Variants in CCDC201 observed in about 807,000 individuals in gnomAD.
The protein encoded by CCDC201 is coiled-coil domain-containing protein 201.
At chr7:45,871,611 AAAAGG>A (rs1395272482) in intron 1 of CCDC201, among the ~76,000 whole-genome samples, 39 of 152,192 alleles carry the variant, frequency 2.6e-4, no homozygotes, top group Admixed American at 2.6e-3. Flanking sequence ...TTCTACAATA[AAAAGG>A]AAAGAAAAAA....
chr7:45,878,690 C>A, the CCDC201 span, among the ~76,000 whole-genome samples: 205 of 152,374 alleles, frequency 1.3e-3, 1 homozygote, highest in Middle Eastern at 0.014. Context: ...ATTTGCCCCT[C>A]CTGGGCCTCT....
chr7:45,874,289 C>A (rs868588420), upstream of CCDC201, among the ~76,000 whole-genome samples: 4 of 152,328 alleles, frequency 2.6e-5, no homozygotes, highest in Middle Eastern at 6.8e-3. Context: ...TGGTATTTAG[C>A]AGAACCAAGA....
At chr7:45,877,766 C>T (rs60011460), upstream of CCDC201, among the ~76,000 whole-genome samples, 11,552 of 152,188 alleles carry the variant, frequency 0.076, 736 homozygotes, top group African/African-American at 0.17. Flanking sequence ...AGAGCCAAAC[C>T]GTGTCATTCT....
At chr7:45,867,577 T>C (rs1415935618) in intron 1 of CCDC201, among the ~76,000 whole-genome samples, 1 of 152,244 alleles carries the variant, frequency 6.6e-6, no homozygotes, top group African/African-American at 2.4e-5. Flanking sequence ...AGCAAGTGCA[T>C]GTCCATTGCC....
exon 3 of CCDC201, chr7:45,861,841 C>T (rs773340244): frequency 2.0e-5 from 3 of 152,272 alleles, no homozygotes; most frequent in Non-Finnish European, 4.4e-5. Flanking sequence ...GAAATGTGTG[C>T]ATTCTTTTTA....
At chr7:45,882,048 C>T in the CCDC201 span, among the ~76,000 whole-genome samples, 2 of 152,164 alleles carry the variant, frequency 1.3e-5, no homozygotes, top group South Asian at 2.1e-4. Flanking sequence ...ATAAGCAAAA[C>T]ATCACTTTGT....
At chr7:45,881,596 G>A in the CCDC201 span, among the ~76,000 whole-genome samples, 1 of 152,194 alleles carries the variant, frequency 6.6e-6, no homozygotes, top group African/African-American at 2.4e-5. Context: ...CCAGAGGTGA[G>A]AAATTAGGAG....
the CCDC201 span, among the ~76,000 whole-genome samples, chr7:45,879,367 A>G: frequency 6.6e-6 from 1 of 152,140 alleles, no homozygotes; most frequent in Non-Finnish European, 1.5e-5. Flanking sequence ...CCTGGCACCA[A>G]TTTTCTGCAT....
chr7:45,868,167 G>A (rs1391645226), intron 1 of CCDC201, among the ~76,000 whole-genome samples: 1 of 152,144 alleles, frequency 6.6e-6, no homozygotes, highest in Non-Finnish European at 1.5e-5. Context: ...GACTGGGGAT[G>A]GAGGTTCTAT....
At chr7:45,867,597 C>G (rs1331224667) in intron 1 of CCDC201, among the ~76,000 whole-genome samples, 1 of 152,166 alleles carries the variant, frequency 6.6e-6, no homozygotes. Flanking sequence ...CTGGACAGAG[C>G]CAGCAATCAC....
chr7:45,860,506 C>T (rs1364730277), exon 3 of CCDC201: 1 of 152,190 alleles, frequency 6.6e-6, no homozygotes, highest in Non-Finnish European at 1.5e-5. Flanking sequence ...CTGCAAGTTA[C>T]ATTATGCTTA....
At chr7:45,866,199 G>T in exon 2 of CCDC201, 1 of 174,374 alleles carries the variant, frequency 5.7e-6, no homozygotes, top group Non-Finnish European at 1.2e-5. Flanking sequence ...TGATGTGGGC[G>T]GCTCCTCCCC....
At chr7:45,881,189 A>T in the CCDC201 span, among the ~76,000 whole-genome samples, 1 of 152,062 alleles carries the variant, frequency 6.6e-6, no homozygotes, top group Non-Finnish European at 1.5e-5. Flanking sequence ...GGGGAATGAG[A>T]TGCATGTGTC....
upstream of CCDC201, among the ~76,000 whole-genome samples, chr7:45,877,564 A>T (rs1296816832): frequency 2.0e-5 from 3 of 152,198 alleles, no homozygotes; most frequent in Non-Finnish European, 4.4e-5. Context: ...GGCAAAGGGG[A>T]AGCAAGCACT....
chr7:45,881,331 T>C, the CCDC201 span, among the ~76,000 whole-genome samples: 2 of 152,160 alleles, frequency 1.3e-5, no homozygotes, highest in Non-Finnish European at 2.9e-5. Context: ...CTCAAATGTG[T>C]CCATTACCCT....
At chr7:45,881,474 C>T in the CCDC201 span, among the ~76,000 whole-genome samples, 5 of 152,104 alleles carry the variant, frequency 3.3e-5, no homozygotes, top group African/African-American at 9.7e-5. Flanking sequence ...GTGGGATGCG[C>T]CCCCAGAGGC....
At chr7:45,865,463 G>A (rs1319781380) in intron 2 of CCDC201, among the ~76,000 whole-genome samples, 1 of 152,240 alleles carries the variant, frequency 6.6e-6, no homozygotes, top group African/African-American at 2.4e-5. Context: ...CAGGTCCTTA[G>A]AAATGCAGGA....
At chr7:45,861,173 C>T (rs569711243) in exon 3 of CCDC201, 5 of 152,198 alleles carry the variant, frequency 3.3e-5, no homozygotes, top group Non-Finnish European at 7.4e-5. Flanking sequence ...ACACAGACCA[C>T]GGGAATAGTT....
exon 3 of CCDC201, chr7:45,862,247 G>C (rs1018457118): frequency 6.6e-6 from 1 of 152,256 alleles, no homozygotes; most frequent in Non-Finnish European, 1.5e-5. Context: ...CTTTCCTAGA[G>C]TGGCATTTCA....
Sources: gnomAD v4.1 joint callset for allele counts (sites outside exome capture counted in the v4.1 genomes callset) on GRCh38, gnomAD v4.1.1 for gene constraint, MANE v1.5 for transcripts, NCBI Gene and HGNC (gene_info 2026-07-23, HGNC 2026-07-21) for gene names.